Variants in FARP1 observed in about 807,000 individuals in gnomAD.
The protein encoded by FARP1 is FERM, ARH/RhoGEF and pleckstrin domain protein 1, also known as FERM, ARHGEF and pleckstrin domain-containing protein 1.
Under a neutral mutation model 128.8 loss-of-function variants are expected in FARP1, and 52 were observed. The observed-to-expected ratio is 0.40, with a 90% CI of 0.32 to 0.51. FARP1 has a LOEUF of 0.51. Among genes scored for constraint, FARP1 ranks in the 20% least tolerant of loss-of-function variants. The pLI is 0.45. For missense variants in FARP1, 1,333 were observed against 1,367.9 expected (o/e 0.97, Z 0.40); for synonymous variants, 580 against 551.8 (o/e 1.05, Z -0.72).
chr13:98,385,925 G>A (rs1441152342), intron 8 of FARP1, 111 bp downstream of exon 8: 24 of 1,173,052 alleles, frequency 2.0e-5, no homozygotes, highest in Non-Finnish European at 1.5e-5. Flanking sequence ...GTTATTTTTC[G>A]GCGAACAAAG....
At chr13:98,314,274 C>CTTTTTTTTTTTTTTTTTTT (rs140938723) in intron 2 of FARP1, among the ~76,000 whole-genome samples, 1 of 59,988 alleles carries the variant, frequency 1.7e-5, no homozygotes, top group Non-Finnish European at 2.9e-5. Flanking sequence ...TATTTTATGT[C>CTTTTTTTTTTTTTTTTTTT]TTTTTTTTTT....
chr13:98,241,362 G>A (rs745471850), intron 2 of FARP1, among the ~76,000 whole-genome samples: 1 of 150,558 alleles, frequency 6.6e-6, no homozygotes, highest in Middle Eastern at 3.4e-3. Flanking sequence ...ATTTTGATGG[G>A]CAAGGCCCTT....
At position 98,450,137 on chromosome 13, in the gene FARP1, G is replaced by A. The variant is rs1384815112; in HGVS notation, c.*1820G>A. Reference sequence around the variant, plus strand: ...GTGCCCTCAAGAAAATACTAGTGTGGGTAACAGTCCATCTGAGTGGAGTTT... The same window carrying A: ...GTGCCCTCAAGAAAATACTAGTGTGAGTAACAGTCCATCTGAGTGGAGTTT... On this transcript the variant is annotated 3_prime_UTR_variant, in exon 27 of 27. Transcript: ENST00000319562. 6.6e-6 allele frequency: 1 copy of A among 152,156 alleles called. No individual in the cohort carries two copies. Among genetic ancestry groups the A allele is most frequent in the East Asian group, 1.9e-4 (1 of 5,188 alleles). 9.4% of individuals were successfully genotyped at this position (152,156 alleles called of 1,614,324 possible). A position where few individuals can be genotyped will look rare whatever the true frequency, so the allele number is the denominator to read the frequency against.
chr13:98,449,239 C>G lies in FARP1; in HGVS notation c.*922C>G, dbSNP rs1893062879. ...AAATCATGGTACGTAGTCCCCGGCA[C>G]CTGTCGTTATTCCTATATCCTCCTG... On this transcript the variant is annotated 3_prime_UTR_variant, in exon 27 of 27. Coordinates refer to ENST00000319562, the MANE Select transcript of FARP1 (RefSeq NM_005766.4). The G allele has an allele frequency of 6.6e-6, 1 of 152,240 alleles. No individual in the cohort carries two copies. Among genetic ancestry groups the G allele is most frequent in the Admixed American group, 6.5e-5 (1 of 15,286 alleles). 9.4% of individuals were successfully genotyped at this position (152,240 alleles called of 1,614,324 possible).
intron 5 of FARP1, among the ~76,000 whole-genome samples, chr13:98,372,310 C>T (rs1889381131): frequency 6.6e-6 from 1 of 152,134 alleles, no homozygotes; most frequent in African/African-American, 2.4e-5. Context: ...TGGTCTCGAA[C>T]TCCTGACCTC....
rs746114758 is a variant in FARP1, at chr13:98,176,652, G to C, written c.-24+33160G>C. 1 of 1,614,120 alleles carries C rather than the reference G, an allele frequency of 6.2e-7. No homozygotes were observed. Among genetic ancestry groups the C allele is most frequent in the Non-Finnish European group, 8.5e-7 (1 of 1,180,048 alleles). Reference sequence around the variant, plus strand: ...AGCCAGTCTCCTTGTAGTCCTTGCAGATGTCAGGCTGGTAATCCCAGCGCA... The same window carrying C: ...AGCCAGTCTCCTTGTAGTCCTTGCACATGTCAGGCTGGTAATCCCAGCGCA... On this transcript the variant is annotated intron_variant, in intron 1 of 26. Transcript: ENST00000319562. The surrounding 1 kb of genome is among the most constrained non-coding windows in gnomAD (Gnocchi z 6.2).
rs181174771 is a variant in FARP1, at chr13:98,378,270, T to C, written c.496+352T>C. ...TGGATTTAAACTTTATCATTGAATATGGCATAGTAGCCTTAAGACATAATA... is the reference window on the plus strand; with the variant it reads ...TGGATTTAAACTTTATCATTGAATACGGCATAGTAGCCTTAAGACATAATA... On this transcript the variant is annotated intron_variant, in intron 6 of 26. Coordinates refer to ENST00000319562, the MANE Select transcript of FARP1 (RefSeq NM_005766.4). 3.9e-5 allele frequency among the ~76,000 whole-genome samples: 6 copies of C among 152,364 alleles called. No individual in the cohort carries two copies. The East Asian group carries it at 9.6e-4, about 24-fold the overall frequency.
In FARP1 at chr13:98,176,587, C is replaced by T; in HGVS notation, c.-24+33095C>T. On this transcript the variant is annotated intron_variant, in intron 1 of 26. Transcript: ENST00000319562. The surrounding 1 kb of genome is among the most constrained non-coding windows in gnomAD (Gnocchi z 6.2). ...CTCCCACCCGAGCTTGTAATCGGAA[C>T]GGTCGTGGAGGAATTTGCAGCTGTC... 1 of 1,614,236 alleles carries T rather than the reference C, an allele frequency of 6.2e-7. No individual in the cohort carries two copies. Among genetic ancestry groups the T allele is most frequent in the South Asian group, 1.1e-5 (1 of 91,086 alleles).
At chr13:98,177,667 A>AAAAACC in intron 1 of FARP1, 1 of 36,414 alleles carries the variant, frequency 2.7e-5, no homozygotes, top group East Asian at 5.8e-4. Context: ...AAAAAAAACC[A>AAAAACC]AAAAAAAAGG....
chr13:98,223,137 G>A (rs1476749955), intron 2 of FARP1, among the ~76,000 whole-genome samples: 1 of 152,232 alleles, frequency 6.6e-6, no homozygotes, highest in African/African-American at 2.4e-5. Flanking sequence ...CAGCTGATGG[G>A]ACAGAAGCAG....
intron 13 of FARP1, chr13:98,396,332 A>G (rs896283616): frequency 6.5e-5 from 26 of 399,024 alleles, no homozygotes; most frequent in Non-Finnish European, 1.1e-4. Flanking sequence ...AGTGAGTCAG[A>G]CTCTGAGATG....
rs769450889 is a variant in FARP1, at chr13:98,453,219, A to G, written c.*4902A>G. 3.1e-6 allele frequency: 5 copies of G among 1,610,194 alleles called. No homozygotes were observed. Among genetic ancestry groups the G allele is most frequent in the African/African-American group, 1.3e-5 (1 of 74,912 alleles). ...ACCACTTAGAGAGTATCTAGGGAAAAAGAGAGAGAGAGAAGTCAACACATG... is the reference window on the plus strand; with the variant it reads ...ACCACTTAGAGAGTATCTAGGGAAAGAGAGAGAGAGAGAAGTCAACACATG... On this transcript the variant is annotated 3_prime_UTR_variant, in exon 27 of 27. Transcript: ENST00000319562.
At chr13:98,384,871 C>T in intron 7 of FARP1, 27 bp downstream of exon 7, 1 of 1,405,708 alleles carries the variant, frequency 7.1e-7, no homozygotes, top group Non-Finnish European at 1.0e-6. Flanking sequence ...GCTTCATATT[C>T]CCTCTGAGCC....
chr13:98,435,686 A>C lies in FARP1; in HGVS notation c.2254A>C (p.Asn752His). The C allele has an allele frequency of 1.2e-6, 2 of 1,614,172 alleles. No homozygotes were observed. The highest frequency in any genetic ancestry group is 1.7e-6 in the Non-Finnish European group (2 of 1,180,010). ...ELKKDLIGID[N>H]LVVPGREFIR... is the part of the protein sequence containing the mutation. ...CAAGAAAGATTTGATTGGCATTGAC[A>C]ATCTTGTGGTTCCGGGAAGGGTAAG... The change falls in exon 19 of 27, where the codon AAT (asparagine) becomes CAT (histidine). Residue 752 changes from asparagine to histidine, a missense_variant. Around this residue, in one of 2 missense-constraint regions of FARP1, gnomAD observed 1,009 missense variants for 969.8 expected, o/e 1.04. Transcript: ENST00000319562.
chr13:98,184,508 T>C (rs1302873737), intron 1 of FARP1, among the ~76,000 whole-genome samples: 1 of 152,238 alleles, frequency 6.6e-6, no homozygotes, highest in East Asian at 1.9e-4. Context: ...TCATACTATA[T>C]TAACATGTAA....
chr13:98,222,146 T>G (rs1240705100), intron 2 of FARP1, among the ~76,000 whole-genome samples: 3 of 152,220 alleles, frequency 2.0e-5, no homozygotes, highest in African/African-American at 7.2e-5. Context: ...GGTCTCTGTT[T>G]CCTCATTTAT....
chr13:98,144,034 C>T (rs1212633345), intron 1 of FARP1, among the ~76,000 whole-genome samples: 1 of 152,172 alleles, frequency 6.6e-6, no homozygotes, highest in Non-Finnish European at 1.5e-5. Context: ...ATTTGTGTCT[C>T]TCTTTACTGT....
In FARP1 at chr13:98,440,236, G is replaced by C; in HGVS notation, c.2629+1G>C. On this transcript the variant is annotated splice_donor_variant, in intron 23 of 26. Transcript: ENST00000319562. LOFTEE classifies it high-confidence loss of function. The stretch of plus-strand genomic sequence containing the variant: ...CTGGCCAGCAGCCCCCCTGACAACA[G>C]TGAGTGTGGCCAGGGCAGCTTTCCC... The C allele has an allele frequency of 6.2e-7, 1 of 1,608,980 alleles. No individual in the cohort carries two copies. The highest frequency in any genetic ancestry group is 8.5e-7 in the Non-Finnish European group (1 of 1,175,442).
chr13:98,251,831 G>C (rs1429123156), intron 2 of FARP1, among the ~76,000 whole-genome samples: 1 of 152,080 alleles, frequency 6.6e-6, no homozygotes, highest in African/African-American at 2.4e-5. Context: ...TAGTAATATA[G>C]CTAATTGTAT....
Sources: allele counts gnomAD v4.1 joint callset (sites outside exome capture counted in the v4.1 genomes callset), GRCh38; gene constraint gnomAD v4.1.1; regional missense constraint gnomAD v4.1.1; non-coding constraint Gnocchi (gnomAD v3.1); transcripts MANE v1.5; gene names NCBI Gene and HGNC (gene_info 2026-07-23, HGNC 2026-07-21).